The following SPTBN1 variants were observed in gnomAD, a reference collection of about 807,000 sequenced individuals.
The protein encoded by SPTBN1 is spectrin beta chain, non-erythrocytic 1.
SPTBN1 carries 32 observed loss-of-function variants against 266.4 expected under a neutral mutation model. The observed-to-expected ratio is 0.12, with a 90% CI of 0.09 to 0.16. The LOEUF (loss-of-function observed/expected upper bound fraction) is 0.16, where lower values mean the gene tolerates loss of function less well. Ranked by LOEUF, SPTBN1 falls within the 10% of genes least tolerant of loss-of-function variation. The pLI is 1.00. For missense variants in SPTBN1, 2,296 were observed against 3,067.1 expected (o/e 0.75, Z 5.94); for synonymous variants, 1,336 against 1,162.2 (o/e 1.15, Z -3.04).
intron 1 of SPTBN1, among the ~76,000 whole-genome samples, chr2:54,498,737 C>T (rs1395444832): frequency 1.3e-5 from 2 of 152,008 alleles, no homozygotes; most frequent in African/African-American, 4.8e-5. Context: ...TCTTAAACAC[C>T]CCTTAAATAT....
intron 2 of SPTBN1, among the ~76,000 whole-genome samples, chr2:54,595,395 G>A (rs1391510257): frequency 2.6e-5 from 4 of 152,188 alleles, no homozygotes; most frequent in Non-Finnish European, 5.9e-5. Flanking sequence ...TACCAAGTTT[G>A]GGGCAGGGCT....
At position 54,631,476 on chromosome 2, in the gene SPTBN1, G is replaced by T; in HGVS notation, c.3429G>T (p.Arg1143=). The T allele has an allele frequency of 6.2e-7, 1 of 1,614,262 alleles. No individual in the cohort carries two copies. The change falls in exon 16 of 36, where the codon CGG becomes CGT. Residue 1143 remains arginine, a synonymous_variant. Transcript: ENST00000356805. ...CCCAGTACATGTTTCTGCGGCAGCG[G>T]CTGCAGGCCCTGGACACTGGATGGA... ...TDAQYMFLRQ[R]LQALDTGWNE... is the part of the protein sequence containing the mutation.
intron 2 of SPTBN1, among the ~76,000 whole-genome samples, chr2:54,571,576 T>TACAC (rs67239523): frequency 1.0e-3 from 103 of 100,730 alleles, no homozygotes; most frequent in African/African-American, 2.8e-3. Flanking sequence ...CACACACACA[T>TACAC]ACACACACAC....
intron 1 of SPTBN1, among the ~76,000 whole-genome samples, chr2:54,487,553 CAT>C (rs1668464976): frequency 6.6e-6 from 1 of 152,288 alleles, no homozygotes; most frequent in East Asian, 1.9e-4. Flanking sequence ...ATTCCTCAGA[CAT>C]GTGTTCACAA....
chr2:54,588,338 A>AT (rs11442547), intron 2 of SPTBN1, among the ~76,000 whole-genome samples: 3,730 of 152,276 alleles, frequency 0.024, 150 homozygotes, highest in African/African-American at 0.082. Context: ...CTGACCAGAC[A>AT]TGGATGGTTA....
chr2:54,637,830 C>T, intron 18 of SPTBN1, 27 bp downstream of exon 18: 1 of 1,565,248 alleles, frequency 6.4e-7, no homozygotes, highest in South Asian at 1.1e-5. Flanking sequence ...TCCCTCTATT[C>T]CTGTGTTCCA....
In SPTBN1 at chr2:54,665,904, A is replaced by G; in HGVS notation, c.6660-11A>G. 6.3e-7 allele frequency: 1 copy of G among 1,596,116 alleles called. No homozygotes were observed. The highest frequency in any genetic ancestry group is 8.5e-7 in the Non-Finnish European group (1 of 1,173,834). On this transcript the variant is annotated splice_polypyrimidine_tract_variant and intron_variant, in intron 33 of 35. Coordinates refer to ENST00000356805, the MANE Select transcript of SPTBN1 (RefSeq NM_003128.3). ...TTTATCTCCCCCTGCCCTTTTTTTTAAACTGCACAGGTCCTGGCACAATGT... is the reference window on the plus strand; with the variant it reads ...TTTATCTCCCCCTGCCCTTTTTTTTGAACTGCACAGGTCCTGGCACAATGT...
intron 7 of SPTBN1, among the ~76,000 whole-genome samples, chr2:54,618,793 G>GAGT (rs1038362722): frequency 2.6e-5 from 4 of 152,170 alleles, no homozygotes; most frequent in African/African-American, 9.7e-5. Context: ...TGGGAAAGGG[G>GAGT]AGTGTAGGGG....
rs769939127 is a variant in SPTBN1 at position 54,628,899 on chromosome 2, C to T, written c.1799-34C>T. 1.3e-6 allele frequency: 2 copies of T among 1,545,800 alleles called. No individual in the cohort carries two copies. Among genetic ancestry groups the T allele is most frequent in the Admixed American group, 2.0e-5 (1 of 50,514 alleles). On this transcript the variant is annotated intron_variant, in intron 13 of 35. Coordinates refer to ENST00000356805, the MANE Select transcript of SPTBN1 (RefSeq NM_003128.3). This position sits in a 1 kb window ranked among gnomAD's most constrained non-coding sequence, Gnocchi z 4.3. ...AGCCTGCACCCATGCTGAGCTCCCT[C>T]ACACAGCCACGTTCCTTCCTTGATG...
At chr2:54,507,944 G>T (rs1669661731) in intron 1 of SPTBN1, among the ~76,000 whole-genome samples, 1 of 152,078 alleles carries the variant, frequency 6.6e-6, no homozygotes, top group Admixed American at 6.6e-5. Context: ...AGAGATAGCT[G>T]GGGAGAGGTA....
chr2:54,492,276 A>G (rs1399684306), intron 1 of SPTBN1, among the ~76,000 whole-genome samples: 1 of 151,412 alleles, frequency 6.6e-6, no homozygotes, highest in African/African-American at 2.4e-5. Context: ...GGCTGTATAA[A>G]GTAGGTGTAC....
intron 1 of SPTBN1, among the ~76,000 whole-genome samples, chr2:54,456,878 G>GCCGGGCGCGGCGGCC (rs1693062741): frequency 6.6e-6 from 1 of 151,540 alleles, no homozygotes; most frequent in African/African-American, 2.4e-5. Context: ...CCTCCCTGCA[G>GCCGGGCGCGGCGGCC]CCGGGCGCGG....
intron 1 of SPTBN1, among the ~76,000 whole-genome samples, chr2:54,478,176 C>T (rs150717814): frequency 2.4e-3 from 364 of 152,188 alleles, no homozygotes; most frequent in African/African-American, 8.6e-3. Context: ...CAGAGCTGTC[C>T]GATCCTGGTC....
At position 54,653,710 on chromosome 2, in the gene SPTBN1, G is replaced by C. The variant is rs748579751; in HGVS notation, c.5679G>C (p.Trp1893Cys). 1.9e-6 allele frequency: 3 copies of C among 1,614,212 alleles called. No homozygotes were observed. In the East Asian group the frequency reaches 6.7e-5, roughly 36 times the overall value. The change falls in exon 27 of 36, where the codon TGG becomes TGC. Residue 1893 changes from tryptophan (W) to cysteine (C), a missense_variant. By Grantham distance (215) the Trp-to-Cys change is radical. Transcript: ENST00000356805. The surrounding 1 kb of genome is among the most constrained non-coding windows in gnomAD (Gnocchi z 5.1). ...GCGAGAACGAGGTCCTGGAAGCCTGGAAGTCCCTCCTGGACGCCTGTGAGA... is the reference window on the plus strand; with the variant it reads ...GCGAGAACGAGGTCCTGGAAGCCTGCAAGTCCCTCCTGGACGCCTGTGAGA... Reference protein sequence around the residue: ...QKRENEVLEAWKSLLDACESR... With the variant: ...QKRENEVLEACKSLLDACESR...
rs115784120 is a variant in SPTBN1 at position 54,469,772 on chromosome 2, G to A, written c.-48+13254G>A. ...TCACTATTTCAGGAGATGAGTTGTG[G>A]TCAGAGATATCAGTCAGGTGACTTC... On this transcript the variant is annotated intron_variant, in intron 1 of 35. Coordinates refer to ENST00000356805, the MANE Select transcript of SPTBN1 (RefSeq NM_003128.3). Among the ~76,000 whole-genome samples, 934 of 152,292 alleles carry A rather than the reference G, an allele frequency of 6.1e-3. 10 individuals carry two copies. The highest frequency in any genetic ancestry group is 0.021 in the African/African-American group (881 of 41,558).
chr2:54,528,876 G>C (rs893399424), intron 2 of SPTBN1, among the ~76,000 whole-genome samples: 1 of 152,196 alleles, frequency 6.6e-6, no homozygotes, highest in African/African-American at 2.4e-5. Flanking sequence ...TACTGGATGG[G>C]GGGGCAGGAA....
At chr2:54,485,794 C>G (rs1668339238) in intron 1 of SPTBN1, among the ~76,000 whole-genome samples, 1 of 151,692 alleles carries the variant, frequency 6.6e-6, no homozygotes, top group African/African-American at 2.4e-5. Context: ...AGGAGCGTCT[C>G]TGCCCGGCCG....
At chr2:54,587,713 C>G (rs921968160) in intron 2 of SPTBN1, among the ~76,000 whole-genome samples, 1 of 152,154 alleles carries the variant, frequency 6.6e-6, no homozygotes, top group Non-Finnish European at 1.5e-5. Context: ...CCTTCTCATC[C>G]TTTGAAGGTG....
Position 54,666,036 on chromosome 2 carries a change from G to T in SPTBN1, c.6781G>T (p.Val2261Phe). ...GGTCCCTGTGAGTTTGAAAGAAGCT[G>T]TCTGCGAAGTGGCCCTTGATTACAA... is the stretch of plus-strand genomic sequence containing the variant. ...SEVPVSLKEA[V>F]CEVALDYKKK... is the part of the protein sequence containing the mutation. Residue 2261 changes from valine (V) to phenylalanine (F), a missense_variant, in exon 34 of 36, where the codon GTC becomes TTC. Val to Phe is a conservative substitution (Grantham distance 50). Transcript: ENST00000356805. 6.2e-7 allele frequency: 1 copy of T among 1,613,988 alleles called. No homozygotes were observed. Among genetic ancestry groups the T allele is most frequent in the Non-Finnish European group, 8.5e-7 (1 of 1,179,952 alleles).
Sources: gnomAD v4.1 joint callset for allele counts (sites outside exome capture counted in the v4.1 genomes callset) on GRCh38, gnomAD v4.1.1 for gene constraint, Gnocchi (gnomAD v3.1) non-coding constraint, MANE v1.5 for transcripts, NCBI Gene and HGNC (gene_info 2026-07-23, HGNC 2026-07-21) for gene names.